The following DCLRE1B variants were observed in gnomAD, a reference collection of about 807,000 sequenced individuals.
DCLRE1B encodes the protein 5' exonuclease Apollo.
Under a neutral mutation model 19.8 loss-of-function variants are expected in DCLRE1B, and 6 were observed. That is an observed-to-expected ratio of 0.30 (90% confidence interval 0.17 to 0.60). The LOEUF (loss-of-function observed/expected upper bound fraction) is 0.60, where lower values mean the gene tolerates loss of function less well. Among genes scored for constraint, DCLRE1B ranks in the 20% least tolerant of loss-of-function variants. DCLRE1B has a pLI of 0.87. For missense variants in DCLRE1B, 622 were observed against 654.2 expected, an observed-to-expected ratio of 0.95 and a Z score of 0.54; for synonymous variants, 258 against 255.7, an observed-to-expected ratio of 1.01 and a Z score of -0.09.
chr1:113,905,032 C>G (rs1200047172), upstream of DCLRE1B: 1 of 413,786 alleles, frequency 2.4e-6, no homozygotes, highest in Non-Finnish European at 4.6e-6. Context: ...TCCGACTGAC[C>G]GCAGACCCCT....
intron 3 of DCLRE1B, among the ~76,000 whole-genome samples, chr1:113,908,395 C>T (rs1039765075): frequency 5.3e-5 from 8 of 152,174 alleles, no homozygotes; most frequent in African/African-American, 1.7e-4. Flanking sequence ...GTCATTTGAG[C>T]CCAGGCGTTT....
chr1:113,904,681 G>A, upstream of DCLRE1B: 1 of 1,612,836 alleles, frequency 6.2e-7, no homozygotes, highest in Non-Finnish European at 8.5e-7. Context: ...GCCTTCTTCA[G>A]CTCCTTCACC....
At position 113,907,030 on chromosome 1, in the gene DCLRE1B, G is replaced by T. The variant is rs1449180439; in HGVS notation, c.224G>T (p.Gly75Val). Residue 75 changes from glycine (G) to valine (V), a missense_variant, in exon 2 of 4, where the codon GGT becomes GTT. Transcript: ENST00000650450. ...CAATGGATCCAAGCCCTGGAGGTTG[G>T]TGAGAGCCATGTATTACCCCTAGAT... ...SKQWIQALEV[G>V]ESHVLPLDEI... 6.2e-7 allele frequency: 1 copy of T among 1,613,942 alleles called. No homozygotes were observed. Among genetic ancestry groups the T allele is most frequent in the Admixed American group, 1.7e-5 (1 of 60,004 alleles).
At chr1:113,904,941 C>G (rs1214701152), upstream of DCLRE1B, 3 of 528,694 alleles carry the variant, frequency 5.7e-6, no homozygotes, top group Non-Finnish European at 6.9e-6. Context: ...TCAGGCCCTA[C>G]CGTCGGCCGG....
At position 113,913,641 on chromosome 1, in the gene DCLRE1B, T is replaced by G. The variant is rs563341211; in HGVS notation, c.*1450T>G. The stretch of plus-strand genomic sequence containing the variant: ...TACCTCTCATGATTACTATGGAGAT[T>G]GAATAATTGGTAAAATTCTCCTAGC... On this transcript the variant is annotated 3_prime_UTR_variant, in exon 4 of 4. Coordinates refer to ENST00000650450, the MANE Select transcript of DCLRE1B (RefSeq NM_022836.4). The G allele has an allele frequency of 6.5e-6, 1 of 152,834 alleles. No individual in the cohort carries two copies. Among genetic ancestry groups the G allele is most frequent in the South Asian group, 2.1e-4 (1 of 4,824 alleles). 9.5% of individuals were successfully genotyped at this position (152,834 alleles called of 1,614,324 possible). A position where few individuals can be genotyped will look rare whatever the true frequency, so the allele number is the denominator to read the frequency against.
rs889746914 is a variant in DCLRE1B, at chr1:113,911,860, C to A, written c.1268C>A (p.Thr423Asn). 2 of 1,614,110 alleles carry A rather than the reference C, an allele frequency of 1.2e-6. No homozygotes were observed. The highest frequency in any genetic ancestry group is 2.2e-5 in the East Asian group (1 of 44,904). ...VPFCESQKRV[T>N]MLTAPLGFSV... ...TTCTGTGAGTCTCAAAAGAGGGTGA[C>A]TATGTTGACGGCCCCACTGGGATTT... The change falls in exon 4 of 4, where the codon ACT becomes AAT. Residue 423 changes from threonine (T) to asparagine (N), a missense_variant. By Grantham distance (65) the Thr-to-Asn change is moderately conservative (BLOSUM62 0). This residue lies in a region of DCLRE1B where 382 missense variants were observed against 412.5 expected (regional missense o/e 0.93). Coordinates refer to ENST00000650450, the MANE Select transcript of DCLRE1B (RefSeq NM_022836.4).
In DCLRE1B at chr1:113,912,071, A is replaced by T. The variant is rs1449648524; in HGVS notation, c.1479A>T (p.Leu493=). ...LSHSSKGTPL[L]ATEFRGLALK... Reference sequence around the variant, plus strand: ...ACAGCAGCAAGGGCACCCCTCTTCTAGCTACTGAATTCAGGGGTCTAGCAC... The same window carrying T: ...ACAGCAGCAAGGGCACCCCTCTTCTTGCTACTGAATTCAGGGGTCTAGCAC... Residue 493 remains leucine, a synonymous_variant, in exon 4 of 4, where the codon CTA becomes CTT. Coordinates refer to ENST00000650450, the MANE Select transcript of DCLRE1B (RefSeq NM_022836.4). 6.2e-7 allele frequency: 1 copy of T among 1,614,242 alleles called. No individual in the cohort carries two copies. Among genetic ancestry groups the T allele is most frequent in the East Asian group, 2.2e-5 (1 of 44,886 alleles).
chr1:113,909,998 A>G (rs1297284913), intron 3 of DCLRE1B, among the ~76,000 whole-genome samples: 1 of 152,234 alleles, frequency 6.6e-6, no homozygotes, highest in Non-Finnish European at 1.5e-5. Flanking sequence ...CTTCAGAAAA[A>G]GTCTGAGAAC....
At chr1:113,905,843 C>A in intron 1 of DCLRE1B, 68 bp downstream of exon 1, 1 of 1,505,216 alleles carries the variant, frequency 6.6e-7, no homozygotes. Context: ...ACCTGTCATT[C>A]TTGGAGTCAT....
rs1420588884 is a variant in DCLRE1B, at chr1:113,907,174, A to G, written c.355+13A>G. The G allele has an allele frequency of 6.9e-7, 1 of 1,444,260 alleles. No individual in the cohort carries two copies. Among genetic ancestry groups the G allele is most frequent in the Non-Finnish European group, 9.5e-7 (1 of 1,054,608 alleles). The allele number at this position is 1,444,260 out of a possible 1,614,324, so 89.5% of individuals were successfully genotyped here. On this transcript the variant is annotated intron_variant, in intron 2 of 3. Coordinates refer to ENST00000650450, the MANE Select transcript of DCLRE1B (RefSeq NM_022836.4). ...ATCCTCTACACAGGTGGGCCTCTCAAGGAATCCCAGTGACTTCTCCAGACT... is the reference window on the plus strand; with the variant it reads ...ATCCTCTACACAGGTGGGCCTCTCAGGGAATCCCAGTGACTTCTCCAGACT...
chr1:113,913,182 TCTG>T lies in DCLRE1B; in HGVS notation c.*994_*996del, dbSNP rs1484059075. On this transcript the variant is annotated 3_prime_UTR_variant, in exon 4 of 4. Coordinates refer to ENST00000650450, the MANE Select transcript of DCLRE1B (RefSeq NM_022836.4). ...GGGGGTGTGCAGTCTGCCCTGTCCTTCTGCTCATAACCTGACAAAATGCCAAAC... is the reference window on the plus strand; with the variant it reads ...GGGGGTGTGCAGTCTGCCCTGTCCTTCTCATAACCTGACAAAATGCCAAAC... 3.3e-5 allele frequency: 5 copies of T among 152,986 alleles called. No homozygotes were observed. The East Asian group carries it at 9.4e-4, about 29-fold the overall frequency. 9.5% of individuals were successfully genotyped at this position (152,986 alleles called of 1,614,324 possible). A position where few individuals can be genotyped will look rare whatever the true frequency, so the allele number is the denominator to read the frequency against.
At position 113,912,050 on chromosome 1, in the gene DCLRE1B, C is replaced by T. The variant is rs956911715; in HGVS notation, c.1458C>T (p.Ser486=). The T allele has an allele frequency of 1.6e-5, 26 of 1,614,250 alleles. No individual in the cohort carries two copies. The highest frequency in any genetic ancestry group is 1.8e-5 in the Non-Finnish European group (21 of 1,180,048). The change falls in exon 4 of 4, where the codon AGC becomes AGT. Residue 486 remains serine (S), a synonymous_variant. Transcript: ENST00000650450. ...GCCATGGTTCTCCCCTGTCCCACAG[C>T]AGCAAGGGCACCCCTCTTCTAGCTA... The part of the protein sequence containing the change: ...WMGHGSPLSH[S]SKGTPLLATE...
At position 113,908,100 on chromosome 1, in the gene DCLRE1B, C is replaced by G. The variant is rs369389853; in HGVS notation, c.447C>G (p.Cys149Trp). The change falls in exon 3 of 4, where the codon TGC (cysteine) becomes TGG (tryptophan). Residue 149 changes from cysteine to tryptophan, a missense_variant. Physicochemically the swap from Cys to Trp is radical, Grantham distance 215. This residue lies in a region of DCLRE1B where 237 missense variants were observed against 223.8 expected (regional missense o/e 1.06). Coordinates refer to ENST00000650450, the MANE Select transcript of DCLRE1B (RefSeq NM_022836.4). ...IHTLYLDNTN[C>W]NPALVLPSRQ... ...CTTTATACCTAGACAACACCAATTG[C>G]AATCCAGCCCTGGTTCTTCCTTCCC... is the stretch of plus-strand genomic sequence containing the variant. 7.2e-5 allele frequency: 117 copies of G among 1,614,084 alleles called. No individual in the cohort carries two copies. The highest frequency in any genetic ancestry group is 9.4e-5 in the Non-Finnish European group (111 of 1,180,036).
chr1:113,906,243 A>T (rs991394855), intron 1 of DCLRE1B, among the ~76,000 whole-genome samples: 1 of 150,508 alleles, frequency 6.6e-6, no homozygotes, highest in Non-Finnish European at 1.5e-5. Context: ...TTTTTTGTGG[A>T]GACGGGGTTT....
upstream of DCLRE1B, chr1:113,905,065 T>C: frequency 2.6e-6 from 1 of 380,482 alleles, no homozygotes; most frequent in Non-Finnish European, 5.1e-6. Context: ...CCAGCCTTAA[T>C]TCCCCCTCCA....
chr1:113,908,649 C>G (rs184915247), intron 3 of DCLRE1B, among the ~76,000 whole-genome samples: 1 of 152,146 alleles, frequency 6.6e-6, no homozygotes, highest in Admixed American at 6.5e-5. Flanking sequence ...AAAACTGCAA[C>G]CTGCCCACCA....
chr1:113,909,355 A>G (rs1231731716), intron 3 of DCLRE1B, among the ~76,000 whole-genome samples: 1 of 152,220 alleles, frequency 6.6e-6, no homozygotes, highest in African/African-American at 2.4e-5. Flanking sequence ...GTTTATGAAA[A>G]TACATTTTTG....
rs760138756 is a variant in DCLRE1B at position 113,911,395 on chromosome 1, T to C, written c.803T>C (p.Ile268Thr). Reference protein sequence around the residue: ...SRKIHSSHPDIHVIPYSDHSS... With the variant: ...SRKIHSSHPDTHVIPYSDHSS... The stretch of plus-strand genomic sequence containing the variant: ...AAAATCCACAGCTCCCACCCTGATA[T>C]CCACGTCATCCCTTACTCTGACCAT... Residue 268 changes from isoleucine (I) to threonine (T), a missense_variant, in exon 4 of 4, where the codon ATC becomes ACC. This residue lies in a region of DCLRE1B where 382 missense variants were observed against 412.5 expected (regional missense o/e 0.93). Transcript: ENST00000650450. 1.2e-6 allele frequency: 2 copies of C among 1,614,172 alleles called. No homozygotes were observed. Among genetic ancestry groups the C allele is most frequent in the South Asian group, 1.1e-5 (1 of 91,082 alleles).
chr1:113,909,186 T>C (rs1669159031), intron 3 of DCLRE1B, among the ~76,000 whole-genome samples: 1 of 152,204 alleles, frequency 6.6e-6, no homozygotes, highest in Non-Finnish European at 1.5e-5. Context: ...ACAGAAGCAT[T>C]CAATATGAAT....
Sources: gnomAD v4.1 joint callset for allele counts (sites outside exome capture counted in the v4.1 genomes callset) on GRCh38, gnomAD v4.1.1 for gene constraint, gnomAD v4.1.1 regional missense constraint, MANE v1.5 for transcripts, NCBI Gene and HGNC (gene_info 2026-07-23, HGNC 2026-07-21) for gene names.